The following VTI1B variants were observed in gnomAD, a reference collection of about 807,000 sequenced individuals.
VTI1B encodes the protein vesicle transport through interaction with t-SNAREs 1B.
VTI1B carries 18 observed loss-of-function variants against 28.6 expected under a neutral mutation model. The ratio of observed to expected loss-of-function variants is 0.63; its 90% CI spans 0.43 to 0.93. The LOEUF is 0.93. VTI1B is among the 40% of genes least tolerant of loss of function. The pLI, the probability that VTI1B is intolerant of heterozygous loss-of-function variation, is 0.00. For missense variants in VTI1B, 283 were observed against 297.0 expected (o/e 0.95, Z 0.35); for synonymous variants, 100 against 107.9 (o/e 0.93, Z 0.46).
At chr14:67,661,768 A>G (rs2037338389) in intron 2 of VTI1B, among the ~76,000 whole-genome samples, 1 of 151,920 alleles carries the variant, frequency 6.6e-6, no homozygotes, top group Admixed American at 6.6e-5. Flanking sequence ...TTCTGGCCTC[A>G]AGTGATCCTC....
chr14:67,662,764 C>T (rs1490427274), intron 1 of VTI1B, among the ~76,000 whole-genome samples: 4 of 151,882 alleles, frequency 2.6e-5, no homozygotes, highest in African/African-American at 9.7e-5. Context: ...ATTAGCCGGG[C>T]GTGGTGGCAG....
chr14:67,653,566 G>C, intron 4 of VTI1B, 68 bp from the exon 5 acceptor site: 1 of 1,390,630 alleles, frequency 7.2e-7, no homozygotes, highest in East Asian at 2.3e-5. Flanking sequence ...AATATCCCTA[G>C]ATTAACAGTA....
At chr14:67,673,642 T>C (rs2037497232) in intron 1 of VTI1B, among the ~76,000 whole-genome samples, 1 of 152,220 alleles carries the variant, frequency 6.6e-6, no homozygotes, top group African/African-American at 2.4e-5. Flanking sequence ...CCTTGAGTAA[T>C]TCGTTGAGCA....
intron 3 of VTI1B, among the ~76,000 whole-genome samples, chr14:67,657,752 T>TC (rs2037280802): frequency 3.1e-5 from 1 of 32,068 alleles, no homozygotes; most frequent in African/African-American, 8.8e-5. Context: ...TCTTTCTTTC[T>TC]TTTTTTTTTT....
chr14:67,647,964 G>A lies in VTI1B; in HGVS notation c.*3421C>T. On this transcript the variant is annotated 3_prime_UTR_variant, in exon 6 of 6. Coordinates refer to ENST00000554659, the MANE Select transcript of VTI1B (RefSeq NM_006370.3). Reference sequence around the variant, plus strand: ...GGACTAATAGCAACAAAATCAAGGAGTTGCAACCATAAGAAGGATGAGTGT... The same window carrying A: ...GGACTAATAGCAACAAAATCAAGGAATTGCAACCATAAGAAGGATGAGTGT... 1 of 1,351,380 alleles carries A rather than the reference G, an allele frequency of 7.4e-7. No homozygotes were observed. The highest frequency in any genetic ancestry group is 1.0e-6 in the Non-Finnish European group (1 of 982,290). The allele number at this position is 1,351,380 out of a possible 1,614,324, so 83.7% of individuals were successfully genotyped here. A position where few individuals can be genotyped will look rare whatever the true frequency, so the allele number is the denominator to read the frequency against.
At chr14:67,651,976 TTACA>T (rs2037186723) in intron 5 of VTI1B, among the ~76,000 whole-genome samples, 1 of 152,200 alleles carries the variant, frequency 6.6e-6, no homozygotes, top group Non-Finnish European at 1.5e-5. Flanking sequence ...TATCTGTTGT[TTACA>T]TAAAGAATCC....
rs191701268 is a variant in VTI1B at position 67,650,086 on chromosome 14, T to C, written c.*1299A>G. The C allele has an allele frequency of 3.2e-4, 49 of 152,476 alleles. No individual in the cohort carries two copies. The highest frequency in any genetic ancestry group is 1.1e-3 in the African/African-American group (46 of 41,546). The allele number at this position is 152,476 out of a possible 1,614,324, so 9.4% of individuals were successfully genotyped here. On this transcript the variant is annotated 3_prime_UTR_variant, in exon 6 of 6. Coordinates refer to ENST00000554659, the MANE Select transcript of VTI1B (RefSeq NM_006370.3). ...AATTAACATATGGCTGAATTTTCTC[T>C]TGATCAAGTACAAGACACTGGGTCA...
At chr14:67,662,662 T>C (rs1028199257) in intron 1 of VTI1B, 127 bp from the exon 2 acceptor site, 123 of 851,302 alleles carry the variant, frequency 1.4e-4, no homozygotes, top group Admixed American at 1.3e-4. Flanking sequence ...TCCCAGCACT[T>C]TGGGAGGCCA....
chr14:67,671,403 G>C (rs1471851269), intron 1 of VTI1B, among the ~76,000 whole-genome samples: 1 of 152,082 alleles, frequency 6.6e-6, no homozygotes, highest in Non-Finnish European at 1.5e-5. Flanking sequence ...GCATGCGCCT[G>C]TAATCCCAGC....
At chr14:67,662,963 C>G in intron 1 of VTI1B, 1 of 1,356,168 alleles carries the variant, frequency 7.4e-7, no homozygotes, top group Non-Finnish European at 9.4e-7. Context: ...CCTCACCACT[C>G]CCACAGTGAA....
intron 1 of VTI1B, among the ~76,000 whole-genome samples, chr14:67,669,442 T>C (rs1195029731): frequency 6.6e-6 from 1 of 151,634 alleles, no homozygotes; most frequent in African/African-American, 2.4e-5. Context: ...TCAGCTTTTT[T>C]TTTTTTGTAG....
chr14:67,669,898 G>A (rs559824192), intron 1 of VTI1B, among the ~76,000 whole-genome samples: 7 of 152,156 alleles, frequency 4.6e-5, no homozygotes, highest in South Asian at 2.1e-4. Flanking sequence ...CCAGGAATTC[G>A]AGAACAGCCT....
At chr14:67,661,286 AAAAAAAAAAAAAAGTTTTTTTTTTTT>A in intron 2 of VTI1B, among the ~76,000 whole-genome samples, 1 of 148,602 alleles carries the variant, frequency 6.7e-6, no homozygotes, top group East Asian at 2.0e-4. Context: ...AGCAAAAAAA[AAAAAAAAAAAAAAGTTTTTTTTTTTT>A]AAAGAAAAGC....
Position 67,650,699 on chromosome 14 carries a change from C to A in VTI1B, c.*686G>T, listed in dbSNP as rs1178064656. Reference sequence around the variant, plus strand: ...AGCAAGGGAACCTGAGGTTTTGTCACACTTTGTTCTTCCAGGGTTGCTATC... The same window carrying A: ...AGCAAGGGAACCTGAGGTTTTGTCAAACTTTGTTCTTCCAGGGTTGCTATC... On this transcript the variant is annotated 3_prime_UTR_variant, in exon 6 of 6. Transcript: ENST00000554659. 4.3e-6 allele frequency: 7 copies of A among 1,612,620 alleles called. No individual in the cohort carries two copies. Among genetic ancestry groups the A allele is most frequent in the Non-Finnish European group, 5.9e-6 (7 of 1,179,516 alleles).
At position 67,650,782 on chromosome 14, in the gene VTI1B, G is replaced by C. The variant is rs2037163696; in HGVS notation, c.*603C>G. On this transcript the variant is annotated 3_prime_UTR_variant, in exon 6 of 6. Transcript: ENST00000554659. ...TGGCCACCTCAGAGGAAGAGGCGAA[G>C]ACTACAGCTAACCTGGCAGTAGATG... The C allele has an allele frequency of 6.2e-7, 1 of 1,614,144 alleles. No homozygotes were observed. The highest frequency in any genetic ancestry group is 1.7e-5 in the Admixed American group (1 of 60,020).
At position 67,649,057 on chromosome 14, in the gene VTI1B, C is replaced by T. The variant is rs1489519948; in HGVS notation, c.*2328G>A. On this transcript the variant is annotated 3_prime_UTR_variant, in exon 6 of 6. Transcript: ENST00000554659. ...AGTACTGGTCTAATTCTCAGATCTG[C>T]AATCTTAGATGTTGCCAGTGGTCCT... 2.0e-5 allele frequency: 3 copies of T among 152,152 alleles called. No homozygotes were observed. The highest frequency in any genetic ancestry group is 7.2e-5 in the African/African-American group (3 of 41,418). 9.4% of individuals were successfully genotyped at this position (152,152 alleles called of 1,614,324 possible). A position where few individuals can be genotyped will look rare whatever the true frequency, so the allele number is the denominator to read the frequency against.
intron 1 of VTI1B, among the ~76,000 whole-genome samples, chr14:67,669,328 G>C (rs1191697374): frequency 6.8e-6 from 1 of 147,940 alleles, no homozygotes; most frequent in Non-Finnish European, 1.5e-5. Flanking sequence ...GGAGTGCAAT[G>C]ATGTGATGAC....
Position 67,674,506 on chromosome 14 carries a change from G to A in VTI1B, c.-17C>T. 6.3e-7 allele frequency: 1 copy of A among 1,576,320 alleles called. No homozygotes were observed. The highest frequency in any genetic ancestry group is 8.6e-7 in the Non-Finnish European group (1 of 1,163,266). On this transcript the variant is annotated 5_prime_UTR_variant, in exon 1 of 6. Coordinates refer to ENST00000554659, the MANE Select transcript of VTI1B (RefSeq NM_006370.3). Reference sequence around the variant, plus strand: ...GGAGGCCATGGCGCAGGCCGCGCTGGAGCAGCGGCCACCGAGATTCGGGGC... The same window carrying A: ...GGAGGCCATGGCGCAGGCCGCGCTGAAGCAGCGGCCACCGAGATTCGGGGC...
chr14:67,650,701 C>G lies in VTI1B; in HGVS notation c.*684G>C. 6.2e-7 allele frequency: 1 copy of G among 1,612,900 alleles called. No individual in the cohort carries two copies. The highest frequency in any genetic ancestry group is 8.5e-7 in the Non-Finnish European group (1 of 1,179,692). On this transcript the variant is annotated 3_prime_UTR_variant, in exon 6 of 6. Coordinates refer to ENST00000554659, the MANE Select transcript of VTI1B (RefSeq NM_006370.3). ...CAAGGGAACCTGAGGTTTTGTCACA[C>G]TTTGTTCTTCCAGGGTTGCTATCAG... is the stretch of plus-strand genomic sequence containing the variant.
Sources: allele counts gnomAD v4.1 joint callset (sites outside exome capture counted in the v4.1 genomes callset), GRCh38; gene constraint gnomAD v4.1.1; transcripts MANE v1.5; gene names NCBI Gene and HGNC (gene_info 2026-07-23, HGNC 2026-07-21).